Variants in CNTNAP2 observed in about 807,000 individuals in gnomAD.
The protein encoded by CNTNAP2 is contactin associated protein 2, also known as contactin-associated protein-like 2.
CNTNAP2 carries 98 observed loss-of-function variants against 155.2 expected under a neutral mutation model. The ratio of observed to expected loss-of-function variants is 0.63; its 90% confidence interval spans 0.54 to 0.75. The LOEUF (loss-of-function observed/expected upper bound fraction) is 0.75. Among genes scored for constraint, CNTNAP2 ranks in the 30% least tolerant of loss-of-function variants. The pLI is 0.00. For missense variants in CNTNAP2, 1,727 were observed against 1,688.1 expected, an observed-to-expected ratio of 1.02 and a Z score of -0.40; for synonymous variants, 651 against 631.2, an observed-to-expected ratio of 1.03 and a Z score of -0.47.
At chr7:147,964,796 T>C (rs1315171079) in intron 14 of CNTNAP2, among the ~76,000 whole-genome samples, 1 of 152,172 alleles carries the variant, frequency 6.6e-6, no homozygotes, top group Non-Finnish European at 1.5e-5. Context: ...CCCTCTAAAT[T>C]ACAGAGTAAG....
intron 8 of CNTNAP2, among the ~76,000 whole-genome samples, chr7:147,201,480 C>A (rs568922056): frequency 6.4e-4 from 97 of 152,124 alleles, no homozygotes; most frequent in African/African-American, 2.1e-3. Context: ...TTATTATATT[C>A]TTTAGAAATA....
At chr7:146,938,137 C>G (rs549402874) in intron 3 of CNTNAP2, among the ~76,000 whole-genome samples, 2 of 152,160 alleles carry the variant, frequency 1.3e-5, no homozygotes, top group African/African-American at 4.8e-5. Context: ...GATGTCTGAT[C>G]TCTAGTCTCC....
intron 13 of CNTNAP2, among the ~76,000 whole-genome samples, chr7:147,714,746 A>C (rs953522215): frequency 2.0e-5 from 3 of 151,968 alleles, no homozygotes; most frequent in African/African-American, 7.2e-5. Flanking sequence ...CAGTTTATTA[A>C]ATGTGTAGAT....
intron 14 of CNTNAP2, among the ~76,000 whole-genome samples, chr7:147,966,530 G>T (rs1801213590): frequency 6.6e-6 from 1 of 151,994 alleles, no homozygotes; most frequent in Non-Finnish European, 1.5e-5. Flanking sequence ...GTTTCCCCAG[G>T]CTGTGAACTA....
At chr7:146,757,445 G>T (rs2129183417) in intron 1 of CNTNAP2, among the ~76,000 whole-genome samples, 1 of 152,196 alleles carries the variant, frequency 6.6e-6, no homozygotes, top group South Asian at 2.1e-4. Context: ...TGATAATTAA[G>T]TAAGCACTTT....
intron 3 of CNTNAP2, among the ~76,000 whole-genome samples, chr7:146,963,881 G>C (rs1240026938): frequency 6.6e-6 from 1 of 152,094 alleles, no homozygotes; most frequent in Non-Finnish European, 1.5e-5. Context: ...GAAACAGTCT[G>C]AAAGCTCATC....
At chr7:147,427,401 G>C (rs939132417) in intron 10 of CNTNAP2, among the ~76,000 whole-genome samples, 2 of 152,130 alleles carry the variant, frequency 1.3e-5, no homozygotes, top group African/African-American at 4.8e-5. Flanking sequence ...TCAACAGATA[G>C]AGATAAGATA....
At chr7:148,415,351 T>TGG in intron 23 of CNTNAP2, 66 bp from the exon 24 acceptor site, 1 of 1,530,612 alleles carries the variant, frequency 6.5e-7, no homozygotes, top group South Asian at 1.1e-5. Context: ...TGTAGTGAAG[T>TGG]GGGGACAGTG....
At chr7:147,623,266 C>A (rs981051925) in intron 12 of CNTNAP2, among the ~76,000 whole-genome samples, 11 of 151,882 alleles carry the variant, frequency 7.2e-5, no homozygotes, top group Non-Finnish European at 1.0e-4. Flanking sequence ...AGCATTCAGA[C>A]AAAAGAACAA....
chr7:148,224,901 C>A (rs1382895796), intron 19 of CNTNAP2, among the ~76,000 whole-genome samples: 1 of 152,166 alleles, frequency 6.6e-6, no homozygotes, highest in South Asian at 2.1e-4. Context: ...AACTCAGTCA[C>A]TATCATGAGA....
intron 1 of CNTNAP2, among the ~76,000 whole-genome samples, chr7:146,599,879 G>A (rs1585000764): frequency 6.6e-6 from 1 of 152,006 alleles, no homozygotes; most frequent in Non-Finnish European, 1.5e-5. Context: ...AATTAATTAT[G>A]TACTCTATGC....
chr7:147,618,788 T>TC (rs371870713), intron 12 of CNTNAP2, among the ~76,000 whole-genome samples: 1 of 152,096 alleles, frequency 6.6e-6, no homozygotes, highest in Non-Finnish European at 1.5e-5. Context: ...TGCTTTTTTT[T>TC]CACTGGTCAT....
intron 1 of CNTNAP2, among the ~76,000 whole-genome samples, chr7:146,632,746 T>C (rs1041664781): frequency 6.6e-6 from 1 of 151,952 alleles, no homozygotes; most frequent in African/African-American, 2.4e-5. Context: ...AGAATATAAA[T>C]TTATAAACAA....
intron 13 of CNTNAP2, among the ~76,000 whole-genome samples, chr7:147,734,388 C>T (rs542362033): frequency 3.2e-4 from 48 of 152,256 alleles, no homozygotes; most frequent in Non-Finnish European, 5.6e-4. Flanking sequence ...GGTGGATAAG[C>T]TTTTTGATGT....
chr7:147,102,829 C>T (rs1800683476), intron 4 of CNTNAP2, among the ~76,000 whole-genome samples: 1 of 152,030 alleles, frequency 6.6e-6, no homozygotes, highest in Non-Finnish European at 1.5e-5. Flanking sequence ...CAGATAAAAG[C>T]AATGTGTAGA....
intron 22 of CNTNAP2, among the ~76,000 whole-genome samples, chr7:148,400,090 G>C (rs1294121042): frequency 5.9e-5 from 9 of 152,152 alleles, no homozygotes; most frequent in Non-Finnish European, 1.2e-4. Flanking sequence ...GTCTGAATCA[G>C]AGTGCTCTCC....
intron 11 of CNTNAP2, among the ~76,000 whole-genome samples, chr7:147,511,290 T>C (rs1443134848): frequency 6.6e-6 from 1 of 152,070 alleles, no homozygotes; most frequent in Non-Finnish European, 1.5e-5. Flanking sequence ...CCTCTAGCAC[T>C]TTTTCTTTTT....
At chr7:148,283,269 A>AAGAC (rs1563024656) in intron 21 of CNTNAP2, among the ~76,000 whole-genome samples, 1 of 97,194 alleles carries the variant, frequency 1.0e-5, no homozygotes. Flanking sequence ...GAAAGAAAGA[A>AAGAC]AGAAAGAAAG....
At chr7:147,462,174 A>G (rs926911145) in intron 10 of CNTNAP2, among the ~76,000 whole-genome samples, 1 of 152,120 alleles carries the variant, frequency 6.6e-6, no homozygotes, top group Non-Finnish European at 1.5e-5. Flanking sequence ...CAGAAGGACA[A>G]GCCTCCCCAT....
Sources: allele counts gnomAD v4.1 joint callset (sites outside exome capture counted in the v4.1 genomes callset), GRCh38; gene constraint gnomAD v4.1.1; transcripts MANE v1.5; gene names NCBI Gene and HGNC (gene_info 2026-07-23, HGNC 2026-07-21).